CACNA1D: variants seen among roughly 807,000 people sequenced by gnomAD.
CACNA1D encodes the protein voltage-dependent L-type calcium channel subunit alpha-1D.
Under a neutral mutation model 257.1 loss-of-function variants are expected in CACNA1D, and 55 were observed. That is an observed-to-expected ratio of 0.21 (90% CI 0.17 to 0.27). The LOEUF is 0.27. Among genes scored for constraint, CACNA1D ranks in the 10% least tolerant of loss-of-function variants. The pLI is 1.00. For synonymous variants in CACNA1D, 980 were observed against 1,014.9 expected (o/e 0.97, Z 0.65); for missense variants, 1,876 against 2,784.0 (o/e 0.67, Z 7.34).
At chr3:53,561,585 A>G (rs906516582) in intron 3 of CACNA1D, among the ~76,000 whole-genome samples, 3 of 152,324 alleles carry the variant, frequency 2.0e-5, no homozygotes, top group African/African-American at 7.2e-5. Context: ...GGCTGTTGAC[A>G]TAGAGCTTTG....
chr3:53,665,636 CTT>C (rs1559487143), intron 5 of CACNA1D, 22 bp from the exon 6 acceptor site: 1 of 1,606,958 alleles, frequency 6.2e-7, no homozygotes, highest in Non-Finnish European at 8.5e-7. Context: ...GGCTCACAAA[CTT>C]ATTTTTTTTT....
intron 39 of CACNA1D, chr3:53,783,126 T>C (rs1462842282): frequency 1.3e-5 from 2 of 152,204 alleles, no homozygotes; most frequent in African/African-American, 4.8e-5. Flanking sequence ...TGTCTGTCTA[T>C]GTAAACCTTC....
At chr3:53,667,556 C>A (rs1439978835) in intron 7 of CACNA1D, among the ~76,000 whole-genome samples, 4 of 152,108 alleles carry the variant, frequency 2.6e-5, no homozygotes, top group African/African-American at 9.7e-5. Flanking sequence ...CTGGTAGTTT[C>A]TAAATTTTAG....
rs578102418 is a variant in CACNA1D, at chr3:53,801,498, G to A, written c.5408+73G>A. The A allele has an allele frequency of 8.8e-6, 14 of 1,586,132 alleles. No homozygotes were observed. In the East Asian group the frequency reaches 2.9e-4, roughly 33 times the overall value. On this transcript the variant is annotated intron_variant, in intron 42 of 47. Transcript: ENST00000350061. ...GTTGCGTCTAGTCCCAAGGAGCAAG[G>A]CGGGTCTGTGCTCTGTGCTCTGGGG...
At chr3:53,761,784 G>A (rs1161868323) in intron 29 of CACNA1D, among the ~76,000 whole-genome samples, 3 of 152,114 alleles carry the variant, frequency 2.0e-5, no homozygotes, top group African/African-American at 7.2e-5. Flanking sequence ...GTGCGTGTGT[G>A]CGTGGGCGTG....
At chr3:53,591,736 C>G (rs1394373093) in intron 3 of CACNA1D, among the ~76,000 whole-genome samples, 1 of 152,230 alleles carries the variant, frequency 6.6e-6, no homozygotes, top group African/African-American at 2.4e-5. Context: ...CTCCCAGGAA[C>G]TACACAAAGC....
At chr3:53,660,433 C>T (rs1348043310) in intron 5 of CACNA1D, among the ~76,000 whole-genome samples, 158 bp downstream of exon 5, 1 of 152,212 alleles carries the variant, frequency 6.6e-6, no homozygotes, top group East Asian at 1.9e-4. Flanking sequence ...CTTTGGCTTG[C>T]ACTGTCACGT....
Position 53,811,031 on chromosome 3 carries a change from C to T in CACNA1D, c.6193-82C>T. On this transcript the variant is annotated intron_variant, in intron 47 of 47. Transcript: ENST00000350061. The surrounding 1 kb of genome is among the most constrained non-coding windows in gnomAD (Gnocchi z 4.2). ...AGCACACGGTGCAGTTAAGTTAGCA[C>T]TGGAGTTGATTTTTCTGTCGTCCCC... 3 of 1,051,260 alleles carry T rather than the reference C, an allele frequency of 2.9e-6. No individual in the cohort carries two copies. Among genetic ancestry groups the T allele is most frequent in the Non-Finnish European group, 3.0e-6 (2 of 667,196 alleles). The allele number at this position is 1,051,260 out of a possible 1,614,324, so 65.1% of individuals were successfully genotyped here.
At chr3:53,515,279 T>C (rs1389640840) in intron 3 of CACNA1D, among the ~76,000 whole-genome samples, 5 of 152,070 alleles carry the variant, frequency 3.3e-5, no homozygotes, top group African/African-American at 1.2e-4. Flanking sequence ...CCCCTGATTG[T>C]CTCTTGACTT....
At chr3:53,602,550 G>A (rs994905787) in intron 3 of CACNA1D, among the ~76,000 whole-genome samples, 1 of 152,188 alleles carries the variant, frequency 6.6e-6, no homozygotes, top group African/African-American at 2.4e-5. Flanking sequence ...CCATAGTGCT[G>A]TATTAATTTA....
rs1388648376 is a variant in CACNA1D at position 53,800,709 on chromosome 3, C to G, written c.5040+344C>G. ...CTTCCCGGGCCAGCTCTTTGATCTG[C>G]CAGCTGGCTGTCAGTCCCCCAGCCC... On this transcript the variant is annotated intron_variant, in intron 41 of 47. Coordinates refer to ENST00000350061, the MANE Select transcript of CACNA1D (RefSeq NM_001128840.3). This position sits in a 1 kb window ranked among gnomAD's most constrained non-coding sequence, Gnocchi z 4.3. The G allele has an allele frequency of 3.6e-5, 18 of 494,186 alleles. No individual in the cohort carries two copies. The highest frequency in any genetic ancestry group is 5.5e-5 in the Non-Finnish European group (15 of 270,870). 30.6% of individuals were successfully genotyped at this position (494,186 alleles called of 1,614,324 possible).
chr3:53,686,366 C>A (rs2108495299), intron 8 of CACNA1D, among the ~76,000 whole-genome samples: 1 of 152,040 alleles, frequency 6.6e-6, no homozygotes, highest in East Asian at 1.9e-4. Flanking sequence ...CTCATGAGGC[C>A]AAAATCTCAA....
At position 53,523,012 on chromosome 3, in the gene CACNA1D, C is replaced by T. The variant is rs146463125; in HGVS notation, c.483+21292C>T. 4.6e-3 allele frequency among the ~76,000 whole-genome samples: 699 copies of T among 152,190 alleles called. 4 individuals are homozygous for T. The highest frequency in any genetic ancestry group is 7.5e-3 in the Non-Finnish European group (511 of 68,016). ...GTTCCCACATAAGAGTGAGAACATGCGATATTTTTCTTTCTGTGCCTGGCT... is the reference window on the plus strand; with the variant it reads ...GTTCCCACATAAGAGTGAGAACATGTGATATTTTTCTTTCTGTGCCTGGCT... On this transcript the variant is annotated intron_variant, in intron 3 of 47. Coordinates refer to ENST00000350061, the MANE Select transcript of CACNA1D (RefSeq NM_001128840.3).
chr3:53,810,963 T>C (rs934605055), intron 47 of CACNA1D, 150 bp from the exon 48 acceptor site: 2 of 663,688 alleles, frequency 3.0e-6, no homozygotes, highest in African/African-American at 1.8e-5. Context: ...ACACTAGTTA[T>C]TATGTATGAG....
intron 40 of CACNA1D, chr3:53,799,926 A>C: frequency 2.5e-6 from 1 of 400,620 alleles, no homozygotes; most frequent in South Asian, 2.2e-5. Flanking sequence ...GAAGACTGTC[A>C]CTGAGACAGG....
At chr3:53,698,028 C>G (rs1382107768) in intron 8 of CACNA1D, among the ~76,000 whole-genome samples, 1 of 152,182 alleles carries the variant, frequency 6.6e-6, no homozygotes, top group African/African-American at 2.4e-5. Context: ...GCTTCTAAGT[C>G]CTTTCAACAG....
At position 53,810,060 on chromosome 3, in the gene CACNA1D, C is replaced by T; in HGVS notation, c.5954C>T (p.Pro1985Leu). ...SHSTRSWATPPATPPYRDWTP... is the reference protein window; with the variant it reads ...SHSTRSWATPLATPPYRDWTP... ...TCGACCCGGTCGTGGGCCACCCCTC[C>T]AGCAACCCCTCCCTACCGGGACTGG... Residue 1985 changes from proline (P) to leucine (L), a missense_variant, in exon 47 of 48, where the codon CCA becomes CTA. Pro to Leu is a moderately conservative substitution (Grantham distance 98). Around this residue, in one of 10 missense-constraint regions of CACNA1D, gnomAD observed 491 missense variants for 554.3 expected, o/e 0.89. Transcript: ENST00000350061. 1 of 1,614,046 alleles carries T rather than the reference C, an allele frequency of 6.2e-7. No homozygotes were observed. Among genetic ancestry groups the T allele is most frequent in the Non-Finnish European group, 8.5e-7 (1 of 1,180,020 alleles).
intron 29 of CACNA1D, among the ~76,000 whole-genome samples, chr3:53,761,673 G>T (rs1190604994): frequency 6.6e-6 from 1 of 152,206 alleles, no homozygotes; most frequent in Non-Finnish European, 1.5e-5. Context: ...CTGGGTACCA[G>T]GACAAGGTTG....
At chr3:53,515,442 A>C in intron 3 of CACNA1D, among the ~76,000 whole-genome samples, 1 of 152,176 alleles carries the variant, frequency 6.6e-6, no homozygotes, top group East Asian at 1.9e-4. Flanking sequence ...ACGGCACTTC[A>C]TCATAGGGTC....
Sources: gnomAD v4.1 joint callset for allele counts (sites outside exome capture counted in the v4.1 genomes callset) on GRCh38, gnomAD v4.1.1 for gene constraint, gnomAD v4.1.1 regional missense constraint, Gnocchi (gnomAD v3.1) non-coding constraint, MANE v1.5 for transcripts, NCBI Gene and HGNC (gene_info 2026-07-23, HGNC 2026-07-21) for gene names.